PTPRB: variants seen among roughly 807,000 people sequenced by gnomAD.
PTPRB encodes protein tyrosine phosphatase receptor type B.
In PTPRB, 97 loss-of-function variants were observed where a neutral mutation model predicts 238.1. The observed-to-expected ratio is 0.41, with a 90% CI of 0.35 to 0.48. The LOEUF is 0.48. PTPRB is among the 20% of genes least tolerant of loss of function. PTPRB has a pLI of 0.30. For missense variants in PTPRB, 2,292 were observed against 2,681.9 expected (o/e 0.85, Z 3.21); for synonymous variants, 970 against 995.4 (o/e 0.97, Z 0.48).
chr12:70,522,532 T>C (rs1267173161), intron 33 of PTPRB: 1 of 152,232 alleles, frequency 6.6e-6, no homozygotes, highest in Non-Finnish European at 1.5e-5. Flanking sequence ...AGTTTGCCTA[T>C]GTGATAACTT....
At position 70,556,172 on chromosome 12, in the gene PTPRB, AC is replaced by A. The variant is rs2098317276; in HGVS notation, c.4715-25del. On this transcript the variant is annotated intron_variant, in intron 18 of 33. Coordinates refer to ENST00000334414, the MANE Select transcript of PTPRB (RefSeq NM_001109754.4). ...CTCTAAAGGAAACAGAGGAGGCAAC[AC>A]TTTTCAGAACTCAGGGAGAATTTTT... 7 of 1,581,244 alleles carry A rather than the reference AC, an allele frequency of 4.4e-6. No homozygotes were observed. The East Asian group carries it at 1.6e-4, about 35-fold the overall frequency.
At chr12:70,521,586 C>A (rs1871664340) in intron 33 of PTPRB, 75 bp from the exon 34 acceptor site, 5 of 1,318,480 alleles carry the variant, frequency 3.8e-6, no homozygotes, top group East Asian at 2.7e-5. Flanking sequence ...ATGAAAATTA[C>A]CAATGTGAAA....
intron 2 of PTPRB, among the ~76,000 whole-genome samples, chr12:70,633,560 T>C (rs1885549686): frequency 1.3e-5 from 2 of 152,204 alleles, no homozygotes; most frequent in African/African-American, 4.8e-5. Context: ...AAAGTATGTG[T>C]TATACTTATG....
chr12:70,570,989 G>C (rs759071484), intron 13 of PTPRB, 37 bp downstream of exon 13: 5 of 1,603,360 alleles, frequency 3.1e-6, no homozygotes, highest in Admixed American at 1.7e-5. Flanking sequence ...ATGCACCACT[G>C]CATCTATTCA....
intron 2 of PTPRB, among the ~76,000 whole-genome samples, chr12:70,634,589 A>G (rs1432397278): frequency 1.3e-5 from 2 of 152,248 alleles, no homozygotes; most frequent in East Asian, 3.9e-4. Flanking sequence ...TAGCTACGGG[A>G]ATGTGTATTT....
intron 9 of PTPRB, among the ~76,000 whole-genome samples, chr12:70,586,514 C>T (rs1023941035): frequency 1.3e-5 from 2 of 152,150 alleles, no homozygotes; most frequent in African/African-American, 4.8e-5. Flanking sequence ...TCCCCATGCT[C>T]CTTTCTAAAG....
In PTPRB at chr12:70,637,012, GGTCGGA is replaced by G. The variant is rs1885730636; in HGVS notation, c.55+323_55+328del. 3.3e-5 allele frequency among the ~76,000 whole-genome samples: 5 copies of G among 151,940 alleles called. No individual in the cohort carries two copies. The South Asian group carries it at 1.0e-3, about 32-fold the overall frequency. ...ACAAAAGAAAATAAAACTATAACCG[GGTCGGA>G]AAAAGGCTTGGGGAAAGCCACAGAC... On this transcript the variant is annotated intron_variant, in intron 1 of 33. Coordinates refer to ENST00000334414, the MANE Select transcript of PTPRB (RefSeq NM_001109754.4).
intron 26 of PTPRB, 176 bp from the exon 27 acceptor site, chr12:70,539,190 G>A (rs997299292): frequency 3.3e-6 from 2 of 615,296 alleles, no homozygotes; most frequent in African/African-American, 1.8e-5. Flanking sequence ...AAGGGAGGTG[G>A]TGGTCTCACT....
intron 2 of PTPRB, among the ~76,000 whole-genome samples, chr12:70,630,336 G>A (rs1244731762): frequency 6.6e-6 from 1 of 152,146 alleles, no homozygotes; most frequent in Non-Finnish European, 1.5e-5. Context: ...TATCTCAATA[G>A]ATGCAGAAAA....
intron 15 of PTPRB, among the ~76,000 whole-genome samples, chr12:70,564,127 C>G (rs1592486403): frequency 6.6e-6 from 1 of 152,180 alleles, no homozygotes; most frequent in African/African-American, 2.4e-5. Flanking sequence ...CTTATAAATA[C>G]CCAAATATTT....
rs73330183 is a variant in PTPRB at position 70,521,553 on chromosome 12, T to G, written c.6626-42A>C. On this transcript the variant is annotated intron_variant, in intron 33 of 33. Coordinates refer to ENST00000334414, the MANE Select transcript of PTPRB (RefSeq NM_001109754.4). ...TGTAATTAGAGACTGCCGCAGGGTG[T>G]GTCATAATTGTTTACGCTGTTTATG... 13,612 of 1,487,356 alleles carry G rather than the reference T, an allele frequency of 9.2e-3. 1,067 individuals carry two copies. In the African/African-American group the frequency reaches 0.17, roughly 18 times the overall value. 92.1% of individuals were successfully genotyped at this position (1,487,356 alleles called of 1,614,324 possible).
At chr12:70,536,206 C>G in intron 28 of PTPRB, 47 bp from the exon 29 acceptor site, 1 of 1,580,430 alleles carries the variant, frequency 6.3e-7, no homozygotes, top group Non-Finnish European at 8.6e-7. Flanking sequence ...TGGGCCTCTT[C>G]AGAACTATAA....
At chr12:70,553,245 C>T (rs1877169071) in intron 20 of PTPRB, among the ~76,000 whole-genome samples, 1 of 152,122 alleles carries the variant, frequency 6.6e-6, no homozygotes. Flanking sequence ...AATACACACA[C>T]ACACAGCATC....
intron 7 of PTPRB, chr12:70,591,990 A>G: frequency 2.4e-6 from 1 of 418,930 alleles, no homozygotes. Flanking sequence ...CACTGTAAGA[A>G]TGAATCAGAA....
intron 18 of PTPRB, among the ~76,000 whole-genome samples, chr12:70,557,181 T>G (rs1338571734): frequency 6.6e-6 from 1 of 152,010 alleles, no homozygotes; most frequent in Non-Finnish European, 1.5e-5. Flanking sequence ...GAAACCCAGG[T>G]ACCAAAGGAG....
At chr12:70,554,822 G>C (rs1369514543) in intron 20 of PTPRB, among the ~76,000 whole-genome samples, 1 of 152,052 alleles carries the variant, frequency 6.6e-6, no homozygotes, top group East Asian at 1.9e-4. Flanking sequence ...ATAATGAAGA[G>C]GACTGAATAA....
At chr12:70,548,346 TCACACACACACACACA>T (rs56848578) in intron 21 of PTPRB, among the ~76,000 whole-genome samples, 8 of 97,100 alleles carry the variant, frequency 8.2e-5, no homozygotes, top group African/African-American at 1.8e-4. Flanking sequence ...TCTCTCTCTC[TCACACACACACACACA>T]CACACACACA....
intron 20 of PTPRB, among the ~76,000 whole-genome samples, chr12:70,553,971 T>C (rs1023533890): frequency 6.6e-6 from 1 of 152,200 alleles, no homozygotes; most frequent in Admixed American, 6.5e-5. Context: ...GGCTACTTTC[T>C]GGGGTGTGAC....
chr12:70,534,661 CAG>C lies in PTPRB; in HGVS notation c.6205-12_6205-11del. ...CATCAAGCTGTTCCTCCTGTAAGAG[CAG>C]AGAGCAGGATAAAAGAGGAACTGTC... On this transcript the variant is annotated splice_polypyrimidine_tract_variant and intron_variant, in intron 30 of 33. Coordinates refer to ENST00000334414, the MANE Select transcript of PTPRB (RefSeq NM_001109754.4). 6.2e-7 allele frequency: 1 copy of C among 1,610,752 alleles called. No individual in the cohort carries two copies. Among genetic ancestry groups the C allele is most frequent in the South Asian group, 1.1e-5 (1 of 90,332 alleles).
Sources: allele counts gnomAD v4.1 joint callset (sites outside exome capture counted in the v4.1 genomes callset), GRCh38; gene constraint gnomAD v4.1.1; transcripts MANE v1.5; gene names NCBI Gene and HGNC (gene_info 2026-07-23, HGNC 2026-07-21).